MINDY3: variants seen among roughly 807,000 people sequenced by gnomAD.
MINDY3 encodes the protein MINDY lysine 48 deubiquitinase 3.
In MINDY3, 38 loss-of-function variants were observed where a neutral mutation model predicts 69.2. The observed-to-expected ratio is 0.55, with a 90% CI of 0.42 to 0.72. MINDY3 has a LOEUF of 0.72. Among genes scored for constraint, MINDY3 ranks in the 30% least tolerant of loss-of-function variants. MINDY3 has a pLI of 0.00. For missense variants in MINDY3, 522 were observed against 519.0 expected (o/e 1.01, Z -0.06); for synonymous variants, 192 against 180.1 (o/e 1.07, Z -0.53).
At chr10:15,826,643 T>G (rs1840103889) in intron 8 of MINDY3, among the ~76,000 whole-genome samples, 1 of 152,086 alleles carries the variant, frequency 6.6e-6, no homozygotes, top group South Asian at 2.1e-4. Flanking sequence ...AAGTATAACA[T>G]CAGGAAACAT....
Position 15,833,651 on chromosome 10 carries a change from C to G in MINDY3, c.709G>C (p.Asp237His). Residue 237 changes from aspartate to histidine, a missense_variant, in exon 8 of 15, where the codon GAT becomes CAT. Transcript: ENST00000277632. ...GHAVSNVWDG[D>H]RECSGMKLLG... ...TTACTCATTCCTGAGCACTCTCTATCACCATCCCATACATTAGAAACAGCA... is the reference window on the plus strand; with the variant it reads ...TTACTCATTCCTGAGCACTCTCTATGACCATCCCATACATTAGAAACAGCA... 1.2e-6 allele frequency: 2 copies of G among 1,608,674 alleles called. No homozygotes were observed. Among genetic ancestry groups the G allele is most frequent in the Non-Finnish European group, 1.7e-6 (2 of 1,175,364 alleles).
rs1276517270 is a variant in MINDY3 at position 15,778,666 on chromosome 10, G to C, written c.*326C>G. 1.6e-5 allele frequency: 3 copies of C among 183,494 alleles called. No homozygotes were observed. Among genetic ancestry groups the C allele is most frequent in the African/African-American group, 2.4e-5 (1 of 42,496 alleles). 11.4% of individuals were successfully genotyped at this position (183,494 alleles called of 1,614,324 possible). On this transcript the variant is annotated 3_prime_UTR_variant, in exon 15 of 15. Coordinates refer to ENST00000277632, the MANE Select transcript of MINDY3 (RefSeq NM_024948.4). ...CAAAAGTAGTTTATCAATAGTAACTGTGATACTTAATATACAAATGCTGTA... is the reference window on the plus strand; with the variant it reads ...CAAAAGTAGTTTATCAATAGTAACTCTGATACTTAATATACAAATGCTGTA...
rs564099170 is a variant in MINDY3, at chr10:15,800,391, C to T, written c.883-4219G>A. On this transcript the variant is annotated intron_variant, in intron 10 of 14. Transcript: ENST00000277632. ...AGCATAAAATTAACTTTAGTGCATA[C>T]TGTACTACTGGAATAATTTCATCAC... is the stretch of plus-strand genomic sequence containing the variant. Among the ~76,000 whole-genome samples, 3 of 152,178 alleles carry T rather than the reference C, an allele frequency of 2.0e-5. No homozygotes were observed. In the South Asian group the frequency reaches 6.2e-4, roughly 32 times the overall value.
chr10:15,835,043 A>G (rs1832982519), intron 6 of MINDY3, among the ~76,000 whole-genome samples: 1 of 152,144 alleles, frequency 6.6e-6, no homozygotes, highest in Non-Finnish European at 1.5e-5. Context: ...GAGATATAAC[A>G]TTAAATAATT....
At chr10:15,849,290 A>G (rs537648283) in intron 1 of MINDY3, among the ~76,000 whole-genome samples, 32 of 152,310 alleles carry the variant, frequency 2.1e-4, no homozygotes, top group African/African-American at 7.7e-4. Context: ...AAATCAGAGA[A>G]AATTTAACAC....
At chr10:15,825,339 T>C (rs1564499960) in intron 8 of MINDY3, among the ~76,000 whole-genome samples, 1 of 152,228 alleles carries the variant, frequency 6.6e-6, no homozygotes, top group Non-Finnish European at 1.5e-5. Context: ...CAAATTACTT[T>C]GTGATTATAT....
At chr10:15,812,938 G>A (rs566540748) in intron 10 of MINDY3, among the ~76,000 whole-genome samples, 1 of 152,192 alleles carries the variant, frequency 6.6e-6, no homozygotes, top group East Asian at 1.9e-4. Flanking sequence ...GTAAATCTCT[G>A]AAATCCATGC....
chr10:15,829,742 G>C (rs1840331019), intron 8 of MINDY3, among the ~76,000 whole-genome samples: 1 of 152,210 alleles, frequency 6.6e-6, no homozygotes, highest in African/African-American at 2.4e-5. Context: ...AGACAGGTGA[G>C]AGTAATGAGA....
At chr10:15,799,769 T>G (rs1489470025) in intron 10 of MINDY3, among the ~76,000 whole-genome samples, 3 of 151,986 alleles carry the variant, frequency 2.0e-5, no homozygotes, top group Admixed American at 2.0e-4. Flanking sequence ...AAGAATGAAT[T>G]TGATTTTCGA....
chr10:15,789,773 T>TTA (rs1388694089), intron 11 of MINDY3, among the ~76,000 whole-genome samples: 4 of 152,136 alleles, frequency 2.6e-5, no homozygotes, highest in Non-Finnish European at 5.9e-5. Flanking sequence ...CCACTGATAC[T>TTA]TAGACAACTG....
intron 8 of MINDY3, among the ~76,000 whole-genome samples, chr10:15,824,346 T>TGTCA (rs1839956176): frequency 6.6e-6 from 1 of 152,178 alleles, no homozygotes; most frequent in Non-Finnish European, 1.5e-5. Flanking sequence ...GTGGTTTTGA[T>TGTCA]TTGTAGTTCT....
intron 10 of MINDY3, among the ~76,000 whole-genome samples, chr10:15,807,772 T>C (rs1838736394): frequency 6.6e-6 from 1 of 152,140 alleles, no homozygotes; most frequent in South Asian, 2.1e-4. Context: ...CTGACATCAC[T>C]GATGACTGAG....
rs376572509 is a variant in MINDY3, at chr10:15,860,222, G to A, written c.78C>T (p.Phe26=). 1.9e-4 allele frequency: 307 copies of A among 1,609,346 alleles called. 1 individual carries two copies. Among genetic ancestry groups the A allele is most frequent in the Non-Finnish European group, 2.9e-5 (34 of 1,178,026 alleles). ...KSSPGLSDTI[F]CRWTQGFVFS... is the part of the protein sequence containing the mutation. ...CCAGGGTACCTTGCGTCCAGCGGCA[G>A]AAAATGGTGTCCGAGAGACCGGGGC... The change falls in exon 1 of 15, where the codon TTC becomes TTT. Residue 26 remains phenylalanine (F), a synonymous_variant. Transcript: ENST00000277632.
At chr10:15,856,766 T>C (rs79172328) in intron 1 of MINDY3, among the ~76,000 whole-genome samples, 5,351 of 152,262 alleles carry the variant, frequency 0.035, 276 homozygotes, top group African/African-American at 0.12. Flanking sequence ...TAAGTCAAAA[T>C]GTTTTTATTT....
intron 3 of MINDY3, 87 bp downstream of exon 3, chr10:15,843,125 A>G: frequency 9.2e-7 from 1 of 1,086,946 alleles, no homozygotes; most frequent in Non-Finnish European, 1.4e-6. Flanking sequence ...AAAAATTCCC[A>G]CTGATACTTG....
Position 15,786,568 on chromosome 10 carries a change from G to A in MINDY3, c.1109C>T (p.Pro370Leu). The A allele has an allele frequency of 6.4e-7, 1 of 1,555,892 alleles. No homozygotes were observed. The highest frequency in any genetic ancestry group is 8.8e-7 in the Non-Finnish European group (1 of 1,130,652). ...TTTCCTCAACTATGTTACCTGATCA[G>A]GAAAAAATTCTTGAAGAAATGGGCC... is the stretch of plus-strand genomic sequence containing the variant. ...LLGPFLQEFF[P>L]DQGSSGPESF... The change falls in exon 13 of 15, where the codon CCT (proline) becomes CTT (leucine). Residue 370 changes from proline to leucine, a missense_variant. Transcript: ENST00000277632.
In MINDY3 at chr10:15,793,693, T is replaced by C. The variant is rs143174347; in HGVS notation, c.955+2407A>G. On this transcript the variant is annotated intron_variant, in intron 11 of 14. Coordinates refer to ENST00000277632, the MANE Select transcript of MINDY3 (RefSeq NM_024948.4). ...TGGTTCTCACATTTAGGTATGTGGC[T>C]CTGGAGAAGTGACTCAAACCATCAA... Among the ~76,000 whole-genome samples the C allele has an allele frequency of 1.7e-3, 257 of 152,200 alleles. 1 individual carries two copies. The highest frequency in any genetic ancestry group is 5.9e-3 in the African/African-American group (246 of 41,548).
chr10:15,830,146 A>G (rs1840357381), intron 8 of MINDY3, among the ~76,000 whole-genome samples: 1 of 152,202 alleles, frequency 6.6e-6, no homozygotes, highest in African/African-American at 2.4e-5. Flanking sequence ...TGCATAACCA[A>G]TGTCTGCCCT....
intron 8 of MINDY3, among the ~76,000 whole-genome samples, chr10:15,830,481 A>G (rs541766790): frequency 2.0e-5 from 3 of 152,324 alleles, no homozygotes; most frequent in African/African-American, 7.2e-5. Context: ...GTCTAATTCC[A>G]CACAGCTAAC....
Sources: allele counts gnomAD v4.1 joint callset (sites outside exome capture counted in the v4.1 genomes callset), GRCh38; gene constraint gnomAD v4.1.1; transcripts MANE v1.5; gene names NCBI Gene and HGNC (gene_info 2026-07-23, HGNC 2026-07-21).